INPP4B: variants seen among roughly 807,000 people sequenced by gnomAD.
INPP4B encodes inositol polyphosphate 4-phosphatase type II.
A neutral mutation model predicts 122.5 loss-of-function variants in INPP4B; 55 were observed. The observed-to-expected ratio is 0.45, with a 90% confidence interval of 0.36 to 0.56. INPP4B has a LOEUF of 0.56. INPP4B is among the 20% of genes least tolerant of loss of function. INPP4B has a pLI of 0.00. For missense variants in INPP4B, 1,000 were observed against 1,097.7 expected (o/e 0.91, Z 1.26); for synonymous variants, 403 against 388.7 (o/e 1.04, Z -0.43).
intron 2 of INPP4B, among the ~76,000 whole-genome samples, chr4:142,603,468 A>G (rs1740525624): frequency 6.6e-6 from 1 of 152,128 alleles, no homozygotes; most frequent in South Asian, 2.1e-4. Flanking sequence ...AAATTTATAA[A>G]ATGCTAACTC....
At chr4:142,532,915 T>A (rs190591718) in intron 2 of INPP4B, among the ~76,000 whole-genome samples, 1 of 152,194 alleles carries the variant, frequency 6.6e-6, no homozygotes, top group Non-Finnish European at 1.5e-5. Flanking sequence ...AACCTTACAA[T>A]TTTGTTTTGC....
intron 25 of INPP4B, among the ~76,000 whole-genome samples, chr4:142,078,285 C>T (rs111236746): frequency 0.058 from 8,784 of 151,972 alleles, 274 homozygotes; most frequent in Middle Eastern, 0.095. Flanking sequence ...TAATATTTGC[C>T]TATTTGTTTT....
Position 142,360,807 on chromosome 4 carries a change from G to C in INPP4B, c.372+42131C>G, listed in dbSNP as rs149835795. 2.3e-4 allele frequency among the ~76,000 whole-genome samples: 35 copies of C among 151,964 alleles called. 3 individuals are homozygous for C. The East Asian group carries it at 6.8e-3, about 30-fold the overall frequency. On this transcript the variant is annotated intron_variant, in intron 7 of 25. Coordinates refer to ENST00000262992, the MANE Select transcript of INPP4B (RefSeq NM_001101669.3). ...AGTGATTATCATTTATAACATGTTAGGTGGAAAAAGTAGATTCTAATTGTC... is the reference window on the plus strand; with the variant it reads ...AGTGATTATCATTTATAACATGTTACGTGGAAAAAGTAGATTCTAATTGTC...
chr4:142,149,032 A>G (rs1812319114), intron 17 of INPP4B, among the ~76,000 whole-genome samples: 1 of 152,242 alleles, frequency 6.6e-6, no homozygotes, highest in East Asian at 1.9e-4. Flanking sequence ...GATGCTGCCT[A>G]TCTGGTGGTG....
At chr4:142,409,310 T>C (rs1804108846) in intron 5 of INPP4B, among the ~76,000 whole-genome samples, 1 of 152,138 alleles carries the variant, frequency 6.6e-6, no homozygotes, top group Non-Finnish European at 1.5e-5. Flanking sequence ...CTGGCCAACA[T>C]GGCAAAACCC....
chr4:142,355,535 A>G (rs527662883), intron 7 of INPP4B, among the ~76,000 whole-genome samples: 1 of 152,170 alleles, frequency 6.6e-6, no homozygotes, highest in African/African-American at 2.4e-5. Flanking sequence ...ACCCACAATC[A>G]ACAATGAAGA....
Position 142,086,079 on chromosome 4 carries a change from G to A in INPP4B, c.2487+65C>T, listed in dbSNP as rs1031011963. ...TGCAGAGGTTGGACCCTGCACAGTA[G>A]AGAACTGATAATATTTGCTGGTTAT... On this transcript the variant is annotated intron_variant, in intron 24 of 25. Coordinates refer to ENST00000262992, the MANE Select transcript of INPP4B (RefSeq NM_001101669.3). 8 of 1,087,702 alleles carry A rather than the reference G, an allele frequency of 7.4e-6. No individual in the cohort carries two copies. The African/African-American group carries it at 9.3e-5, about 13-fold the overall frequency. 67.4% of individuals were successfully genotyped at this position (1,087,702 alleles called of 1,614,324 possible).
At chr4:142,149,030 C>T (rs1271090972) in intron 17 of INPP4B, among the ~76,000 whole-genome samples, 1 of 152,204 alleles carries the variant, frequency 6.6e-6, no homozygotes, top group East Asian at 1.9e-4. Flanking sequence ...GAGATGCTGC[C>T]TATCTGGTGG....
chr4:142,644,599 A>C (rs79631385), intron 2 of INPP4B, among the ~76,000 whole-genome samples: 1 of 151,806 alleles, frequency 6.6e-6, no homozygotes, highest in Non-Finnish European at 1.5e-5. Flanking sequence ...CTGTGACTGA[A>C]TTTAAAGAGC....
intron 2 of INPP4B, among the ~76,000 whole-genome samples, chr4:142,702,816 C>CA (rs1036788190): frequency 3.4e-5 from 5 of 147,400 alleles, no homozygotes; most frequent in South Asian, 2.2e-4. Context: ...TTGATTTCTG[C>CA]AAAAAAAAAT....
chr4:142,379,519 G>A (rs1263859539), intron 7 of INPP4B, among the ~76,000 whole-genome samples: 1 of 152,074 alleles, frequency 6.6e-6, no homozygotes, highest in African/African-American at 2.4e-5. Context: ...ATTTTCACAT[G>A]AGTTTAAATA....
intron 1 of INPP4B, among the ~76,000 whole-genome samples, chr4:142,785,783 T>C (rs1240849794): frequency 6.6e-6 from 1 of 152,030 alleles, no homozygotes; most frequent in African/African-American, 2.4e-5. Flanking sequence ...CTGTCTAGTA[T>C]TAATGACAGT....
At chr4:142,604,417 G>A (rs562513963) in intron 2 of INPP4B, among the ~76,000 whole-genome samples, 6 of 152,036 alleles carry the variant, frequency 3.9e-5, no homozygotes, top group African/African-American at 1.4e-4. Flanking sequence ...CATCCAAATT[G>A]GAAAAGAGGA....
intron 15 of INPP4B, among the ~76,000 whole-genome samples, chr4:142,176,408 A>G (rs1828298733): frequency 6.6e-6 from 1 of 151,298 alleles, no homozygotes; most frequent in South Asian, 2.1e-4. Context: ...CCTCTCATAC[A>G]CTCACTTCTA....
intron 2 of INPP4B, among the ~76,000 whole-genome samples, chr4:142,518,036 G>A (rs17016297): frequency 4.3e-3 from 647 of 152,214 alleles, no homozygotes; most frequent in Non-Finnish European, 6.5e-3. Context: ...CACATAACAT[G>A]TACCAGCAGA....
chr4:142,248,538 C>T (rs536257476), intron 11 of INPP4B, among the ~76,000 whole-genome samples: 6 of 151,998 alleles, frequency 3.9e-5, no homozygotes, highest in African/African-American at 1.4e-4. Flanking sequence ...GGGGTTTCAC[C>T]ATGTTGGCCA....
chr4:142,185,222 G>T (rs1417383200), intron 15 of INPP4B, among the ~76,000 whole-genome samples: 1 of 152,086 alleles, frequency 6.6e-6, no homozygotes, highest in African/African-American at 2.4e-5. Context: ...ATTGAACAGT[G>T]GGGTGGATGG....
intron 2 of INPP4B, among the ~76,000 whole-genome samples, chr4:142,629,648 A>G (rs1432726620): frequency 6.6e-6 from 1 of 152,102 alleles, no homozygotes; most frequent in Non-Finnish European, 1.5e-5. Context: ...AGAGCCATGA[A>G]AAAACATGAC....
intron 7 of INPP4B, among the ~76,000 whole-genome samples, chr4:142,323,890 C>CT (rs918445398): frequency 4.6e-5 from 7 of 152,066 alleles, no homozygotes; most frequent in Non-Finnish European, 7.4e-5. Context: ...AGAGATTGAT[C>CT]TGGGACAGAG....
Sources: gnomAD v4.1 joint callset for allele counts (sites outside exome capture counted in the v4.1 genomes callset) on GRCh38, gnomAD v4.1.1 for gene constraint, MANE v1.5 for transcripts, NCBI Gene and HGNC (gene_info 2026-07-23, HGNC 2026-07-21) for gene names.